EIF4E1B: variants seen among roughly 807,000 people sequenced by gnomAD.
The protein encoded by EIF4E1B is eukaryotic translation initiation factor 4E type 1B.
In EIF4E1B, 22 loss-of-function variants were observed where a neutral mutation model predicts 31.3. The ratio of observed to expected loss-of-function variants is 0.70; its 90% CI spans 0.50 to 1.00. The LOEUF is 1.00. EIF4E1B is among the 50% of genes least tolerant of loss of function. The probability of loss-of-function intolerance (pLI) is 0.00; values close to 1 mark genes in which losing one functional copy is unlikely to be tolerated. For synonymous variants in EIF4E1B, 126 were observed against 120.2 expected (o/e 1.05, Z -0.31); for missense variants, 290 against 311.6 (o/e 0.93, Z 0.52).
At position 176,643,688 on chromosome 5, in the gene EIF4E1B, A is replaced by T. The variant is rs1483840642; in HGVS notation, c.250A>T (p.Asn84Tyr). ...TGACCGCAGCCGGGCCTGGCAGGAC[A>T]ACCTGCACCTGGTCACCAAGGTGGA... ...KNDRSRAWQD[N>Y]LHLVTKVDTV... Residue 84 changes from asparagine to tyrosine, a missense_variant, in exon 5 of 9, where the codon AAC becomes TAC. Transcript: ENST00000318682. 6.2e-7 allele frequency: 1 copy of T among 1,613,152 alleles called. No individual in the cohort carries two copies. The highest frequency in any genetic ancestry group is 8.5e-7 in the Non-Finnish European group (1 of 1,179,606).
Position 176,645,776 on chromosome 5 carries a change from T to TGA in EIF4E1B, c.615-88_615-87dup. The TGA allele has an allele frequency of 8.1e-7, 1 of 1,236,762 alleles. No individual in the cohort carries two copies. The highest frequency in any genetic ancestry group is 1.1e-6 in the Non-Finnish European group (1 of 901,100). The allele number at this position is 1,236,762 out of a possible 1,614,324, so 76.6% of individuals were successfully genotyped here. ...ACAACAGGTGTGGCTGTGGCCAGAA[T>TGA]GAGGGTAGGAGTCTGGTGGCCTAAG... On this transcript the variant is annotated intron_variant, in intron 8 of 8. Coordinates refer to ENST00000318682, the MANE Select transcript of EIF4E1B (RefSeq NM_001099408.2). This position sits in a 1 kb window ranked among gnomAD's most constrained non-coding sequence, Gnocchi z 5.4.
At chr5:176,644,700 G>T (rs1394839993) in intron 6 of EIF4E1B, 2 of 528,258 alleles carry the variant, frequency 3.8e-6, no homozygotes, top group African/African-American at 3.9e-5. Flanking sequence ...ACTAGGGAAG[G>T]GCATCAGAAT....
chr5:176,645,090 T>C lies in EIF4E1B; in HGVS notation c.361-40T>C. 6.5e-7 allele frequency: 1 copy of C among 1,529,194 alleles called. No individual in the cohort carries two copies. Among genetic ancestry groups the C allele is most frequent in the Non-Finnish European group, 8.9e-7 (1 of 1,129,744 alleles). The allele number at this position is 1,529,194 out of a possible 1,614,324, so 94.7% of individuals were successfully genotyped here. On this transcript the variant is annotated intron_variant, in intron 6 of 8. Transcript: ENST00000318682. The surrounding 1 kb of genome is among the most constrained non-coding windows in gnomAD (Gnocchi z 5.4). Reference sequence around the variant, plus strand: ...TGGTGGGTGGGTCCCCATTTCCCTTTGAACACAGGGAGGCAGTTGACTTGC... The same window carrying C: ...TGGTGGGTGGGTCCCCATTTCCCTTCGAACACAGGGAGGCAGTTGACTTGC...
intron 1 of EIF4E1B, among the ~76,000 whole-genome samples, chr5:176,640,881 C>T (rs968474931): frequency 5.9e-5 from 9 of 152,324 alleles, no homozygotes; most frequent in South Asian, 4.1e-4. Flanking sequence ...CCCAGAGATG[C>T]CCTCCCCGAC....
chr5:176,646,046 T>TCCCCA lies in EIF4E1B; in HGVS notation c.*66_*67insCCCCA. 1.4e-6 allele frequency: 2 copies of TCCCCA among 1,413,298 alleles called. No homozygotes were observed. The highest frequency in any genetic ancestry group is 2.5e-5 in the South Asian group (2 of 81,094). 87.5% of individuals were successfully genotyped at this position (1,413,298 alleles called of 1,614,324 possible). ...CACTGAGCCTCATTACTTTGGGGGA[T>TCCCCA]GGGGCGGGACTGGGGATCAGACAGC... On this transcript the variant is annotated 3_prime_UTR_variant, in exon 9 of 9. Transcript: ENST00000318682.
chr5:176,645,787 G>A lies in EIF4E1B; in HGVS notation c.615-79G>A. ...GGCTGTGGCCAGAATGAGGGTAGGA[G>A]TCTGGTGGCCTAAGTTATCTCTAGG... On this transcript the variant is annotated intron_variant, in intron 8 of 8. Transcript: ENST00000318682. This position sits in a 1 kb window ranked among gnomAD's most constrained non-coding sequence, Gnocchi z 5.4. 2.3e-6 allele frequency: 3 copies of A among 1,311,962 alleles called. No individual in the cohort carries two copies. The highest frequency in any genetic ancestry group is 3.1e-6 in the Non-Finnish European group (3 of 962,350). The allele number at this position is 1,311,962 out of a possible 1,614,324, so 81.3% of individuals were successfully genotyped here.
Position 176,645,424 on chromosome 5 carries a change from A to G in EIF4E1B, c.522A>G (p.Val174=). The G allele has an allele frequency of 6.6e-7, 1 of 1,517,138 alleles. No individual in the cohort carries two copies. Among genetic ancestry groups the G allele is most frequent in the Non-Finnish European group, 8.8e-7 (1 of 1,132,166 alleles). The allele number at this position is 1,517,138 out of a possible 1,614,324, so 94.0% of individuals were successfully genotyped here. A position where few individuals can be genotyped will look rare whatever the true frequency, so the allele number is the denominator to read the frequency against. ...GESFEEHSRE[V]CGAVVNIRTK... ...GCTTTGAGGAACACAGCAGAGAGGT[A>G]TGTGGGGCCGTCGTCAACATCCGCA... is the stretch of plus-strand genomic sequence containing the variant. Residue 174 remains valine (V), a synonymous_variant, in exon 8 of 9, where the codon GTA becomes GTG. Transcript: ENST00000318682. The surrounding 1 kb of genome is among the most constrained non-coding windows in gnomAD (Gnocchi z 5.4).
intron 3 of EIF4E1B, 56 bp downstream of exon 3, chr5:176,642,858 C>CACCT (rs1055727224): frequency 1.5e-6 from 2 of 1,290,720 alleles, no homozygotes; most frequent in Non-Finnish European, 2.0e-6. Flanking sequence ...CTCTCCCCCC[C>CACCT]CCCCCCCGCC....
chr5:176,644,625 C>A, intron 6 of EIF4E1B, 186 bp downstream of exon 6: 2 of 632,164 alleles, frequency 3.2e-6, no homozygotes, highest in Non-Finnish European at 5.2e-6. Flanking sequence ...AGGCCCAAGC[C>A]GCACCTTGGA....
At chr5:176,643,498 A>G (rs1050858510) in intron 4 of EIF4E1B, 141 bp from the exon 5 acceptor site, 1 of 878,914 alleles carries the variant, frequency 1.1e-6, no homozygotes, top group Non-Finnish European at 1.8e-6. Context: ...GATTTCATTC[A>G]CCTGAGAGGG....
chr5:176,642,851 T>TG, intron 3 of EIF4E1B, 49 bp downstream of exon 3: 11 of 998,540 alleles, frequency 1.1e-5, no homozygotes, highest in East Asian at 5.6e-5. Context: ...CCCCGCCCTC[T>TG]CCCCCCCCCC....
rs746130421 is a variant in EIF4E1B, at chr5:176,645,248, G to T, written c.474+5G>T. The T allele has an allele frequency of 6.2e-7, 1 of 1,601,464 alleles. No homozygotes were observed. The highest frequency in any genetic ancestry group is 1.7e-5 in the Admixed American group (1 of 57,608). Reference sequence around the variant, plus strand: ...GACCGGCTGTGGCTGGAGACGGTGAGTTGGAGGAGGAGGGTCCTCAGGGGA... The same window carrying T: ...GACCGGCTGTGGCTGGAGACGGTGATTTGGAGGAGGAGGGTCCTCAGGGGA... On this transcript the variant is annotated splice_donor_5th_base_variant and intron_variant, in intron 7 of 8. Transcript: ENST00000318682. This position sits in a 1 kb window ranked among gnomAD's most constrained non-coding sequence, Gnocchi z 5.4.
At chr5:176,631,919 C>A (rs1760401101) in intron 1 of EIF4E1B, among the ~76,000 whole-genome samples, 1 of 152,072 alleles carries the variant, frequency 6.6e-6, no homozygotes, top group Non-Finnish European at 1.5e-5. Flanking sequence ...TCTAAATGAT[C>A]ATCTGTACAG....
rs761268817 is a variant in EIF4E1B at position 176,645,963 on chromosome 5, A to G, written c.712A>G (p.Asn238Asp). The G allele has an allele frequency of 1.9e-6, 3 of 1,607,604 alleles. No homozygotes were observed. Among genetic ancestry groups the G allele is most frequent in the Non-Finnish European group, 2.5e-6 (3 of 1,177,054 alleles). Residue 238 changes from asparagine (N) to aspartate (D), a missense_variant, in exon 9 of 9, where the codon AAC (asparagine) becomes GAC (aspartate). Asn to Asp is a conservative substitution (Grantham distance 23). Transcript: ENST00000318682. The surrounding 1 kb of genome is among the most constrained non-coding windows in gnomAD (Gnocchi z 5.4). ...TATKSNSLAK[N>D]KFVV ...CACCAAGAGCAACTCCCTAGCCAAG[A>G]ACAAGTTTGTGGTGTGAGGGGGGCC...
chr5:176,641,812 C>A (rs1314487692), intron 1 of EIF4E1B: 2 of 152,450 alleles, frequency 1.3e-5, no homozygotes, highest in Non-Finnish European at 2.9e-5. Flanking sequence ...ACTTGGGGAG[C>A]CTTCAGCCTC....
chr5:176,636,671 G>A (rs964363718), intron 1 of EIF4E1B, among the ~76,000 whole-genome samples: 1 of 152,232 alleles, frequency 6.6e-6, no homozygotes, highest in Non-Finnish European at 1.5e-5. Context: ...GGGAAGCTGA[G>A]AACAGGGAGG....
At chr5:176,642,671 C>T (rs1760598632) in intron 2 of EIF4E1B, 39 bp from the exon 3 acceptor site, 3 of 1,487,356 alleles carry the variant, frequency 2.0e-6, no homozygotes, top group Admixed American at 2.2e-5. Flanking sequence ...ACCTTGCTTT[C>T]CCTTCGAGCA....
rs1219048150 is a variant in EIF4E1B, at chr5:176,638,273, G to T, written c.-201-3770G>T. Among the ~76,000 whole-genome samples, 1 of 152,192 alleles carries T rather than the reference G, an allele frequency of 6.6e-6. No homozygotes were observed. Among genetic ancestry groups the T allele is most frequent in the Non-Finnish European group, 1.5e-5 (1 of 68,040 alleles). On this transcript the variant is annotated intron_variant, in intron 1 of 8. Coordinates refer to ENST00000318682, the MANE Select transcript of EIF4E1B (RefSeq NM_001099408.2). The surrounding 1 kb of genome is among the most constrained non-coding windows in gnomAD (Gnocchi z 4.3). ...ATTTAATGCCCATTACTGGATAAGG[G>T]CATGAAACAGCAAGTACTGACAGAA...
chr5:176,644,002 C>G lies in EIF4E1B; in HGVS notation c.296+268C>G. ...TTTGTGACCTGGGCAAGTTCCTTCC[C>G]CTCTCTGAACCTGTCTCAGCTGCAA... On this transcript the variant is annotated intron_variant, in intron 5 of 8. Coordinates refer to ENST00000318682, the MANE Select transcript of EIF4E1B (RefSeq NM_001099408.2). 6 of 563,864 alleles carry G rather than the reference C, an allele frequency of 1.1e-5. No homozygotes were observed. In the South Asian group the frequency reaches 1.4e-4, roughly 13 times the overall value. 34.9% of individuals were successfully genotyped at this position (563,864 alleles called of 1,614,324 possible).
Sources: gnomAD v4.1 joint callset for allele counts (sites outside exome capture counted in the v4.1 genomes callset) on GRCh38, gnomAD v4.1.1 for gene constraint, Gnocchi (gnomAD v3.1) non-coding constraint, MANE v1.5 for transcripts, NCBI Gene and HGNC (gene_info 2026-07-23, HGNC 2026-07-21) for gene names.